Variants in LDB2 observed in about 807,000 individuals in gnomAD.
LDB2 encodes LIM domain binding 2, also known as LIM domain-binding protein 2.
Under a neutral mutation model 44.3 loss-of-function variants are expected in LDB2, and 12 were observed. The ratio of observed to expected loss-of-function variants is 0.27; its 90% confidence interval spans 0.17 to 0.44. The LOEUF (loss-of-function observed/expected upper bound fraction) is 0.44, where lower values mean the gene tolerates loss of function less well. Ranked by LOEUF, LDB2 falls within the 20% of genes least tolerant of loss-of-function variation. The pLI is 1.00. For missense variants in LDB2, 344 were observed against 473.5 expected, an observed-to-expected ratio of 0.73 and a Z score of 2.54; for synonymous variants, 164 against 174.8, an observed-to-expected ratio of 0.94 and a Z score of 0.49.
intron 1 of LDB2, among the ~76,000 whole-genome samples, chr4:16,855,951 T>C (rs1234656749): frequency 2.0e-5 from 3 of 152,152 alleles, no homozygotes; most frequent in Admixed American, 2.0e-4. Context: ...TGGTTTCAGA[T>C]TCCACACTAA....
intron 2 of LDB2, among the ~76,000 whole-genome samples, chr4:16,724,918 T>G (rs1759096777): frequency 6.6e-6 from 1 of 152,184 alleles, no homozygotes; most frequent in African/African-American, 2.4e-5. Flanking sequence ...GAATTTTTAT[T>G]TTAGAAGCAT....
chr4:16,599,697 G>T (rs199944512), intron 2 of LDB2, among the ~76,000 whole-genome samples: 1 of 152,060 alleles, frequency 6.6e-6, no homozygotes, highest in African/African-American at 2.4e-5. Flanking sequence ...TAAATAATGC[G>T]CAGTGAATGG....
Position 16,533,828 on chromosome 4 carries a change from G to T in LDB2, c.616-21724C>A, listed in dbSNP as rs139731231. On this transcript the variant is annotated intron_variant, in intron 5 of 7. Transcript: ENST00000304523. This position sits in a 1 kb window ranked among gnomAD's most constrained non-coding sequence, Gnocchi z 4.1. ...AGGGAATACAGATTAATGCCTCTAA[G>T]CAAGAGAGTATTTAATGCTTCCAGG... is the stretch of plus-strand genomic sequence containing the variant. 5.5e-4 allele frequency among the ~76,000 whole-genome samples: 84 copies of T among 152,302 alleles called. No individual in the cohort carries two copies. The highest frequency in any genetic ancestry group is 1.0e-3 in the Non-Finnish European group (70 of 68,032).
intron 2 of LDB2, among the ~76,000 whole-genome samples, chr4:16,756,411 C>T (rs990496638): frequency 2.6e-5 from 4 of 152,104 alleles, no homozygotes; most frequent in Non-Finnish European, 4.4e-5. Flanking sequence ...TGAGATCACA[C>T]CACTGCACCC....
intron 1 of LDB2, among the ~76,000 whole-genome samples, chr4:16,813,557 A>G (rs558632173): frequency 6.6e-6 from 1 of 152,302 alleles, no homozygotes; most frequent in South Asian, 2.1e-4. Flanking sequence ...CTGCACAAAA[A>G]TCTGTAAGAG....
chr4:16,743,195 C>G (rs1763689373), intron 2 of LDB2, among the ~76,000 whole-genome samples: 1 of 152,132 alleles, frequency 6.6e-6, no homozygotes, highest in Non-Finnish European at 1.5e-5. Context: ...GAGGCTGAGG[C>G]ATGAGAATTG....
intron 1 of LDB2, among the ~76,000 whole-genome samples, chr4:16,862,872 G>C (rs1206435030): frequency 1.3e-5 from 2 of 152,102 alleles, no homozygotes; most frequent in Admixed American, 1.3e-4. Context: ...GAACTTCTTT[G>C]TGCAACTGTT....
At chr4:16,522,066 T>A (rs1056134057) in intron 5 of LDB2, among the ~76,000 whole-genome samples, 3 of 152,140 alleles carry the variant, frequency 2.0e-5, no homozygotes, top group Non-Finnish European at 4.4e-5. Flanking sequence ...GGTATAACAA[T>A]AGTAACTAAC....
chr4:16,543,785 C>T (rs1050389992), intron 5 of LDB2, among the ~76,000 whole-genome samples: 1 of 152,160 alleles, frequency 6.6e-6, no homozygotes, highest in African/African-American at 2.4e-5. Context: ...AACTAAAGAG[C>T]TTCTGCACAG....
At chr4:16,845,204 G>T (rs1467167147) in intron 1 of LDB2, among the ~76,000 whole-genome samples, 1 of 152,128 alleles carries the variant, frequency 6.6e-6, no homozygotes, top group African/African-American at 2.4e-5. Flanking sequence ...GGGAGAAGTG[G>T]AATGCAAGAG....
chr4:16,503,392 T>G, intron 7 of LDB2, among the ~76,000 whole-genome samples: 1 of 152,212 alleles, frequency 6.6e-6, no homozygotes, highest in East Asian at 1.9e-4. Context: ...TGATATACAT[T>G]TTAATTGAAG....
rs187521266 is a variant in LDB2 at position 16,792,397 on chromosome 4, A to G, written c.133-33137T>C. Among the ~76,000 whole-genome samples, 3 of 152,332 alleles carry G rather than the reference A, an allele frequency of 2.0e-5. No homozygotes were observed. In the East Asian group the frequency reaches 5.8e-4, roughly 29 times the overall value. ...TTGTCTCTTTAATTACCTGTGCTTT[A>G]AATTTGATCTGACTTCAGTCTCAGC... is the stretch of plus-strand genomic sequence containing the variant. On this transcript the variant is annotated intron_variant, in intron 1 of 7. Transcript: ENST00000304523.
At chr4:16,703,921 C>G (rs1754042748) in intron 2 of LDB2, among the ~76,000 whole-genome samples, 1 of 152,156 alleles carries the variant, frequency 6.6e-6, no homozygotes, top group Admixed American at 6.5e-5. Context: ...ATTTACTTAG[C>G]AACCATTTCT....
At chr4:16,576,160 C>T (rs747883063) in intron 5 of LDB2, among the ~76,000 whole-genome samples, 1 of 152,020 alleles carries the variant, frequency 6.6e-6, no homozygotes, top group Non-Finnish European at 1.5e-5. Flanking sequence ...AAATAAACAA[C>T]CTAACAATGC....
At chr4:16,868,750 C>T (rs114233071) in intron 1 of LDB2, among the ~76,000 whole-genome samples, 318 of 152,230 alleles carry the variant, frequency 2.1e-3, no homozygotes, top group African/African-American at 6.7e-3. Context: ...CAGTGCCTTT[C>T]GTTAGCCCAG....
intron 5 of LDB2, among the ~76,000 whole-genome samples, chr4:16,560,667 A>T (rs1490243236): frequency 1.3e-5 from 2 of 152,224 alleles, no homozygotes; most frequent in African/African-American, 2.4e-5. Context: ...ATTCCTTCTG[A>T]AACTATTCCA....
At chr4:16,651,858 G>A (rs368420866) in intron 2 of LDB2, among the ~76,000 whole-genome samples, 31 of 152,208 alleles carry the variant, frequency 2.0e-4, no homozygotes, top group African/African-American at 7.0e-4. Flanking sequence ...GGGAGGTGGC[G>A]TGCCATAGCA....
rs73798796 is a variant in LDB2 at position 16,510,545 on chromosome 4, G to T, written c.739+1436C>A. ...ATTTATACTTTGACCATGAAATTGG[G>T]GCAAGTGTACCTAAAATGCGTATTC... On this transcript the variant is annotated intron_variant, in intron 6 of 7. Coordinates refer to ENST00000304523, the MANE Select transcript of LDB2 (RefSeq NM_001290.5). 7.6e-3 allele frequency among the ~76,000 whole-genome samples: 1,163 copies of T among 152,224 alleles called. 19 individuals carry two copies. Among genetic ancestry groups the T allele is most frequent in the African/African-American group, 0.026 (1,082 of 41,540 alleles).
chr4:16,594,044 A>G (rs1720020846), intron 3 of LDB2, among the ~76,000 whole-genome samples: 2 of 152,120 alleles, frequency 1.3e-5, no homozygotes, highest in Admixed American at 6.5e-5. Context: ...TGGCTTTGGA[A>G]GCAGCTCCTT....
Sources: allele counts gnomAD v4.1 joint callset (sites outside exome capture counted in the v4.1 genomes callset), GRCh38; gene constraint gnomAD v4.1.1; non-coding constraint Gnocchi (gnomAD v3.1); transcripts MANE v1.5; gene names NCBI Gene and HGNC (gene_info 2026-07-23, HGNC 2026-07-21).